The following NTN4 variants were observed in gnomAD, a reference collection of about 807,000 sequenced individuals.
The protein encoded by NTN4 is netrin-4.
A neutral mutation model predicts 73.6 loss-of-function variants in NTN4; 32 were observed. The observed-to-expected ratio is 0.44, with a 90% confidence interval of 0.33 to 0.58. The LOEUF (loss-of-function observed/expected upper bound fraction) is 0.58. NTN4 is among the 20% of genes least tolerant of loss of function. NTN4 has a pLI of 0.04. For synonymous variants in NTN4, 258 were observed against 287.5 expected, an observed-to-expected ratio of 0.90 and a Z score of 1.04; for missense variants, 654 against 798.3, an observed-to-expected ratio of 0.82 and a Z score of 2.18.
chr12:95,676,424 AT>A (rs368624537), intron 7 of NTN4, among the ~76,000 whole-genome samples: 86 of 152,178 alleles, frequency 5.7e-4, no homozygotes, highest in African/African-American at 1.8e-3. Flanking sequence ...AAAAAAAAAA[AT>A]ATTCTAAAAA....
At chr12:95,691,987 G>A (rs528046056) in intron 5 of NTN4, among the ~76,000 whole-genome samples, 17 of 152,128 alleles carry the variant, frequency 1.1e-4, no homozygotes, top group African/African-American at 2.4e-4. Flanking sequence ...TTTAATTTCC[G>A]GATATTTTCA....
rs1379703707 is a variant in NTN4 at position 95,683,626 on chromosome 12, G to A, written c.1266C>T (p.Cys422=). The part of the protein sequence containing the change: ...FCDPSNGDCP[C]KPGVAGRRCD... ...AACGTCGCCCTGCCACCCCAGGCTT[G>A]CAAGGGCAGTCACCATTGCTGGGGT... The change falls in exon 6 of 10, where the codon TGC becomes TGT. Residue 422 remains cysteine (C), a synonymous_variant. Coordinates refer to ENST00000343702, the MANE Select transcript of NTN4 (RefSeq NM_021229.4). The A allele has an allele frequency of 1.2e-6, 2 of 1,614,050 alleles. No homozygotes were observed. Among genetic ancestry groups the A allele is most frequent in the Non-Finnish European group, 1.7e-6 (2 of 1,180,032 alleles).
chr12:95,790,931 G>GT (rs1555222879), upstream of NTN4, among the ~76,000 whole-genome samples: 1 of 149,002 alleles, frequency 6.7e-6, no homozygotes, highest in Non-Finnish European at 1.5e-5. This position sits in a 1 kb window ranked among gnomAD's most constrained non-coding sequence, Gnocchi z 6.5. Flanking sequence ...TGCCGCCCGG[G>GT]GGGGGGGTCC....
intron 2 of NTN4, among the ~76,000 whole-genome samples, chr12:95,775,630 G>T (rs958502246): frequency 2.0e-5 from 3 of 152,236 alleles, no homozygotes; most frequent in Non-Finnish European, 4.4e-5. Flanking sequence ...AGCCAGGCTG[G>T]GGGAGGGGTG....
At chr12:95,669,603 A>AC (rs5800226) in intron 8 of NTN4, among the ~76,000 whole-genome samples, 114,935 of 152,086 alleles carry the variant, frequency 0.76, 43,500 homozygotes, top group East Asian at 0.84. Flanking sequence ...TAAGTCTCCC[A>AC]CCAATAAGCC....
At chr12:95,712,662 C>T (rs1054372053) in intron 4 of NTN4, among the ~76,000 whole-genome samples, 7 of 151,952 alleles carry the variant, frequency 4.6e-5, no homozygotes, top group African/African-American at 1.2e-4. Flanking sequence ...AGTTCAGTGG[C>T]GTGATCTCGG....
chr12:95,691,339 A>C (rs1244063824), intron 5 of NTN4, among the ~76,000 whole-genome samples: 2 of 152,162 alleles, frequency 1.3e-5, no homozygotes, highest in Non-Finnish European at 2.9e-5. Flanking sequence ...TTCACAATAA[A>C]TGTCAAAGTT....
chr12:95,784,185 A>G (rs558398418), intron 2 of NTN4, among the ~76,000 whole-genome samples: 3 of 152,306 alleles, frequency 2.0e-5, no homozygotes, highest in East Asian at 3.9e-4. Context: ...AAAGATGGAA[A>G]TTGGTGACAT....
chr12:95,770,988 A>ATTTTTTTTT (rs1460848065), intron 2 of NTN4, among the ~76,000 whole-genome samples: 9 of 58,058 alleles, frequency 1.6e-4, no homozygotes, highest in African/African-American at 3.5e-4. Flanking sequence ...CAGGAAAAGA[A>ATTTTTTTTT]TTTGTTTTTT....
At chr12:95,769,357 A>C (rs2079040453) in intron 2 of NTN4, among the ~76,000 whole-genome samples, 1 of 152,132 alleles carries the variant, frequency 6.6e-6, no homozygotes, top group South Asian at 2.1e-4. Context: ...TTACAGACAA[A>C]TAGGAGCCAG....
chr12:95,673,164 G>C, intron 7 of NTN4: 1 of 620,212 alleles, frequency 1.6e-6, no homozygotes, highest in Non-Finnish European at 2.8e-6. Context: ...GACCACATCT[G>C]TAGGCATCTT....
chr12:95,729,632 AGTGTGTGTGTGTGTGTGT>A (rs758891542), intron 3 of NTN4, among the ~76,000 whole-genome samples: 3 of 124,088 alleles, frequency 2.4e-5, no homozygotes, highest in Admixed American at 8.3e-5. Flanking sequence ...AGAGAGAGAG[AGTGTGTGTGTGTGTGTGT>A]GTGTGTGTGT....
At chr12:95,745,942 G>C (rs1001562261) in intron 2 of NTN4, among the ~76,000 whole-genome samples, 1 of 152,204 alleles carries the variant, frequency 6.6e-6, no homozygotes, top group African/African-American at 2.4e-5. Flanking sequence ...CACACTGTCT[G>C]TTCCTGGCCC....
intron 2 of NTN4, among the ~76,000 whole-genome samples, chr12:95,752,316 C>T (rs1228546661): frequency 1.3e-5 from 2 of 149,524 alleles, no homozygotes; most frequent in South Asian, 4.4e-4. Context: ...CCTTATCAAC[C>T]AAATTGTTTT....
chr12:95,762,977 A>G (rs1206172122), intron 2 of NTN4, among the ~76,000 whole-genome samples: 1 of 152,230 alleles, frequency 6.6e-6, no homozygotes, highest in East Asian at 1.9e-4. Flanking sequence ...TGTGTCTCTC[A>G]TCATCAGTGT....
intron 6 of NTN4, 46 bp downstream of exon 6, chr12:95,683,452 G>C: frequency 6.4e-7 from 1 of 1,553,118 alleles, no homozygotes; most frequent in Non-Finnish European, 8.9e-7. Context: ...GTTTTCAAAA[G>C]AGCCTGAAAT....
intron 3 of NTN4, among the ~76,000 whole-genome samples, chr12:95,736,063 C>T (rs371771636): frequency 5.4e-4 from 82 of 151,924 alleles, no homozygotes; most frequent in African/African-American, 1.9e-3. Flanking sequence ...CTCAGCCTCT[C>T]GAGCAGCAGG....
rs376605577 is a variant in NTN4 at position 95,684,367 on chromosome 12, T to C, written c.1181-656A>G. The stretch of plus-strand genomic sequence containing the variant: ...AGACCAGAGTGCAGTGGTACCACCA[T>C]GGCTCACTGCAGCCTCAACTTCTTG... On this transcript the variant is annotated intron_variant, in intron 5 of 9. Coordinates refer to ENST00000343702, the MANE Select transcript of NTN4 (RefSeq NM_021229.4). 1.7e-4 allele frequency among the ~76,000 whole-genome samples: 26 copies of C among 152,078 alleles called. No homozygotes were observed. In the East Asian group the frequency reaches 3.9e-3, roughly 23 times the overall value.
In NTN4 at chr12:95,671,367, G is replaced by C. The variant is rs1260106968; in HGVS notation, c.1511-1221C>G. 5.3e-5 allele frequency among the ~76,000 whole-genome samples: 8 copies of C among 152,122 alleles called. 1 individual carries two copies. Among genetic ancestry groups the C allele is most frequent in the Admixed American group, 3.3e-4 (5 of 15,268 alleles). ...GTGGACTGGTACTGGTTTGTGGCCT[G>C]TTAGGAACCGGGTCACACAGCAGGA... On this transcript the variant is annotated intron_variant, in intron 7 of 9. Coordinates refer to ENST00000343702, the MANE Select transcript of NTN4 (RefSeq NM_021229.4).
Sources: allele counts gnomAD v4.1 joint callset (sites outside exome capture counted in the v4.1 genomes callset), GRCh38; gene constraint gnomAD v4.1.1; non-coding constraint Gnocchi (gnomAD v3.1); transcripts MANE v1.5; gene names NCBI Gene and HGNC (gene_info 2026-07-23, HGNC 2026-07-21).